COLGALT2: variants seen among roughly 807,000 people sequenced by gnomAD.
COLGALT2 encodes the protein procollagen galactosyltransferase 2.
A neutral mutation model predicts 73.4 loss-of-function variants in COLGALT2; 49 were observed. The ratio of observed to expected loss-of-function variants is 0.67; its 90% CI spans 0.53 to 0.85. COLGALT2 has a LOEUF of 0.85. COLGALT2 is among the 40% of genes least tolerant of loss of function. COLGALT2 has a pLI of 0.00. For missense variants in COLGALT2, 722 were observed against 790.2 expected, an observed-to-expected ratio of 0.91 and a Z score of 1.03; for synonymous variants, 295 against 307.6, an observed-to-expected ratio of 0.96 and a Z score of 0.43.
chr1:183,953,058 C>T (rs1457731272), intron 7 of COLGALT2, among the ~76,000 whole-genome samples: 1 of 152,188 alleles, frequency 6.6e-6, no homozygotes, highest in Non-Finnish European at 1.5e-5. Context: ...CAGAGACCTC[C>T]AGTCTGGGAA....
At chr1:184,009,490 T>C (rs1484999180) in intron 1 of COLGALT2, among the ~76,000 whole-genome samples, 2 of 152,252 alleles carry the variant, frequency 1.3e-5, no homozygotes, top group Non-Finnish European at 2.9e-5. Flanking sequence ...ATGGCAGCTC[T>C]TCAGATTATG....
At chr1:183,947,654 C>T (rs1670286683) in intron 8 of COLGALT2, among the ~76,000 whole-genome samples, 1 of 152,008 alleles carries the variant, frequency 6.6e-6, no homozygotes, top group Non-Finnish European at 1.5e-5. Flanking sequence ...TAGAATATCT[C>T]AAATAATAAT....
chr1:184,027,230 G>C (rs1274818879), intron 1 of COLGALT2, among the ~76,000 whole-genome samples: 2 of 152,132 alleles, frequency 1.3e-5, no homozygotes, highest in Admixed American at 6.5e-5. Context: ...GGAATCTGAA[G>C]TTTAGAATAT....
At position 183,935,838 on chromosome 1, in the gene COLGALT2, A is replaced by G. The variant is rs1651027385; in HGVS notation, c.*2923T>C. 2 of 984,764 alleles carry G rather than the reference A, an allele frequency of 2.0e-6. No individual in the cohort carries two copies. Among genetic ancestry groups the G allele is most frequent in the Non-Finnish European group, 2.4e-6 (2 of 829,548 alleles). The allele number at this position is 984,764 out of a possible 1,614,324, so 61.0% of individuals were successfully genotyped here. On this transcript the variant is annotated 3_prime_UTR_variant, in exon 12 of 12. Transcript: ENST00000361927. ...GAAGCAATTGACAATCATATCTTTG[A>G]GCTAAGTTTTTTTTTAATTTTTCAC...
intron 1 of COLGALT2, among the ~76,000 whole-genome samples, chr1:184,023,643 T>TGGG (rs56285855): frequency 7.5e-6 from 1 of 133,050 alleles, no homozygotes. Context: ...GTGCGTGAGG[T>TGGG]GGGGGGGGGG....
At chr1:184,024,768 T>A (rs1162383149) in intron 1 of COLGALT2, among the ~76,000 whole-genome samples, 1 of 151,936 alleles carries the variant, frequency 6.6e-6, no homozygotes, top group African/African-American at 2.4e-5. Flanking sequence ...GTTGGATGAT[T>A]GGACCAAGCT....
Position 183,938,719 on chromosome 1 carries a change from AGAG to A in COLGALT2, c.*39_*41del. 6.2e-7 allele frequency: 1 copy of A among 1,600,142 alleles called. No individual in the cohort carries two copies. The highest frequency in any genetic ancestry group is 8.5e-7 in the Non-Finnish European group (1 of 1,172,084). ...AGATGAATAGCCCTTTAGAAAAACC[AGAG>A]GATGTTGAACTGATGTGGGCCACAC... On this transcript the variant is annotated 3_prime_UTR_variant, in exon 12 of 12. Coordinates refer to ENST00000361927, the MANE Select transcript of COLGALT2 (RefSeq NM_015101.4).
chr1:184,037,054 C>A (rs1357932558), intron 1 of COLGALT2, 41 bp downstream of exon 1: 8 of 1,417,230 alleles, frequency 5.6e-6, no homozygotes, highest in Non-Finnish European at 7.3e-6. Flanking sequence ...CAGGCCGCCC[C>A]CGCGTCCCGC....
Position 183,975,311 on chromosome 1 carries a change from C to G in COLGALT2, c.375-97G>C, listed in dbSNP as rs952928945. On this transcript the variant is annotated intron_variant, in intron 2 of 11. Coordinates refer to ENST00000361927, the MANE Select transcript of COLGALT2 (RefSeq NM_015101.4). ...GTATTCATTTAATCTTCTATCAATC[C>G]CAGGAAGTAGATACTATTATTATTG... 39 of 644,566 alleles carry G rather than the reference C, an allele frequency of 6.1e-5. No individual in the cohort carries two copies. In the African/African-American group the frequency reaches 6.8e-4, roughly 11 times the overall value. 39.9% of individuals were successfully genotyped at this position (644,566 alleles called of 1,614,324 possible).
At position 184,037,308 on chromosome 1, in the gene COLGALT2, G is replaced by T. The variant is rs1322799821; in HGVS notation, c.50C>A (p.Ser17Tyr). ...ATLAWSLLLL[S>Y]SALLREGCRA... is the part of the protein sequence containing the mutation. The stretch of plus-strand genomic sequence containing the variant: ...GCAGCCTTCGCGGAGCAGGGCTGAG[G>T]AGAGGAGCAGTAGCGACCAGGCGAG... Residue 17 changes from serine (S) to tyrosine (Y), a missense_variant, in exon 1 of 12, where the codon TCC (serine) becomes TAC (tyrosine). Coordinates refer to ENST00000361927, the MANE Select transcript of COLGALT2 (RefSeq NM_015101.4). 1.3e-6 allele frequency: 2 copies of T among 1,531,866 alleles called. No homozygotes were observed. Among genetic ancestry groups the T allele is most frequent in the East Asian group, 5.1e-5 (2 of 39,020 alleles). 94.9% of individuals were successfully genotyped at this position (1,531,866 alleles called of 1,614,324 possible).
At chr1:184,033,161 A>T (rs1407175566) in intron 1 of COLGALT2, among the ~76,000 whole-genome samples, 1 of 152,152 alleles carries the variant, frequency 6.6e-6, no homozygotes, top group African/African-American at 2.4e-5. Context: ...CAAAAGAAAA[A>T]CTTAATGTTT....
intron 1 of COLGALT2, among the ~76,000 whole-genome samples, chr1:184,015,371 C>T (rs1016637623): frequency 1.3e-5 from 2 of 152,208 alleles, no homozygotes; most frequent in South Asian, 4.1e-4. Flanking sequence ...TTGCCAACCT[C>T]ATCTCATTGC....
chr1:183,986,747 G>T (rs1671498795), intron 1 of COLGALT2, among the ~76,000 whole-genome samples: 1 of 152,068 alleles, frequency 6.6e-6, no homozygotes, highest in Non-Finnish European at 1.5e-5. Context: ...TTAGCCTTAT[G>T]ATTAACTAAG....
At chr1:184,030,832 C>T (rs1236581206) in intron 1 of COLGALT2, among the ~76,000 whole-genome samples, 1 of 152,188 alleles carries the variant, frequency 6.6e-6, no homozygotes, top group Admixed American at 6.5e-5. Flanking sequence ...AAATAATCAG[C>T]ATTAAAACAG....
downstream of COLGALT2, among the ~76,000 whole-genome samples, chr1:183,930,965 A>G (rs1367808881): frequency 6.6e-6 from 1 of 152,226 alleles, no homozygotes; most frequent in Non-Finnish European, 1.5e-5. Flanking sequence ...GTTTCTCAAC[A>G]TCTCTACCCA....
chr1:184,036,800 G>A (rs1275206001), intron 1 of COLGALT2, among the ~76,000 whole-genome samples: 1 of 152,212 alleles, frequency 6.6e-6, no homozygotes, highest in East Asian at 1.9e-4. Flanking sequence ...TGTCCCCCAT[G>A]CCCCTTGTGG....
At chr1:183,962,889 T>C (rs1396859039) in intron 6 of COLGALT2, among the ~76,000 whole-genome samples, 1 of 152,352 alleles carries the variant, frequency 6.6e-6, no homozygotes, top group South Asian at 2.1e-4. Flanking sequence ...GAAGCCCAAA[T>C]GCCTTCTTAT....
chr1:183,940,950 G>C (rs1670091535), intron 10 of COLGALT2, among the ~76,000 whole-genome samples, 163 bp from the exon 11 acceptor site: 2 of 152,198 alleles, frequency 1.3e-5, no homozygotes. Context: ...TCGCCAGTCA[G>C]GACTGCCATC....
chr1:184,005,696 C>G (rs1436664539), intron 1 of COLGALT2, among the ~76,000 whole-genome samples: 1 of 152,194 alleles, frequency 6.6e-6, no homozygotes, highest in Non-Finnish European at 1.5e-5. Context: ...CTCTGCAGAG[C>G]TGGCCCCTGA....
Sources: allele counts gnomAD v4.1 joint callset (sites outside exome capture counted in the v4.1 genomes callset), GRCh38; gene constraint gnomAD v4.1.1; transcripts MANE v1.5; gene names NCBI Gene and HGNC (gene_info 2026-07-23, HGNC 2026-07-21).